The following CACNA1C variants were observed in gnomAD, a reference collection of about 807,000 sequenced individuals.
The protein encoded by CACNA1C is voltage-dependent L-type calcium channel subunit alpha-1C.
In CACNA1C, 30 loss-of-function variants were observed where a neutral mutation model predicts 229.0. The ratio of observed to expected loss-of-function variants is 0.13; its 90% confidence interval spans 0.10 to 0.18. CACNA1C has a LOEUF of 0.18. Ranked by LOEUF, CACNA1C falls within the 10% of genes least tolerant of loss-of-function variation. The pLI is 1.00. For missense variants in CACNA1C, 1,658 were observed against 2,845.0 expected (o/e 0.58, Z 9.49); for synonymous variants, 1,114 against 1,132.5 (o/e 0.98, Z 0.33).
intron 1 of CACNA1C, among the ~76,000 whole-genome samples, chr12:2,045,013 A>C (rs966676011): frequency 5.3e-5 from 8 of 152,350 alleles, no homozygotes; most frequent in Admixed American, 6.5e-5. Context: ...AGGGAGAAGA[A>C]CCAGGGGTCA....
Position 2,354,972 on chromosome 12 carries a change from C to A in CACNA1C, c.478-94004C>A, listed in dbSNP as rs942497590. Among the ~76,000 whole-genome samples the A allele has an allele frequency of 6.6e-6, 1 of 151,728 alleles. No individual in the cohort carries two copies. The highest frequency in any genetic ancestry group is 2.4e-5 in the African/African-American group (1 of 41,264). On this transcript the variant is annotated intron_variant, in intron 3 of 46. Transcript: ENST00000399655. The surrounding 1 kb of genome is among the most constrained non-coding windows in gnomAD (Gnocchi z 4.6). ...GAAATGAAGCCAAATCCTGGAGGTG[C>A]AGGTGTGAGGATGGGTCTGGGTGTG...
intron 3 of CACNA1C, among the ~76,000 whole-genome samples, chr12:2,293,835 C>A (rs574515117): frequency 6.6e-6 from 1 of 152,182 alleles, no homozygotes; most frequent in Admixed American, 6.5e-5. Context: ...ATATAGTAGA[C>A]AATAAGTGTT....
chr12:2,564,365 T>G (rs2049140813), intron 11 of CACNA1C, among the ~76,000 whole-genome samples: 1 of 152,180 alleles, frequency 6.6e-6, no homozygotes, highest in Admixed American at 6.5e-5. Flanking sequence ...CATGCTTATT[T>G]AGAGGAATGT....
At chr12:2,607,636 C>T (rs1047051232) in intron 26 of CACNA1C, among the ~76,000 whole-genome samples, 5 of 152,260 alleles carry the variant, frequency 3.3e-5, no homozygotes, top group Admixed American at 1.3e-4. Context: ...GCCCGGGCCC[C>T]ACTTCCTCTG....
chr12:2,641,797 T>A (rs1603250891), intron 30 of CACNA1C: 2 of 702,264 alleles, frequency 2.8e-6, no homozygotes, highest in South Asian at 3.0e-5. Flanking sequence ...GTGGGGAGAT[T>A]ACTTTTGTGA....
intron 3 of CACNA1C, among the ~76,000 whole-genome samples, chr12:2,306,684 C>A (rs944615541): frequency 1.3e-5 from 2 of 152,132 alleles, no homozygotes; most frequent in Non-Finnish European, 2.9e-5. Flanking sequence ...ATAAAATTTT[C>A]TTGTAAAAAG....
At chr12:2,246,846 T>A (rs1373376901) in intron 3 of CACNA1C, among the ~76,000 whole-genome samples, 1 of 152,156 alleles carries the variant, frequency 6.6e-6, no homozygotes, top group East Asian at 1.9e-4. Flanking sequence ...ATCCAAGAAC[T>A]GTAATCTCCT....
At chr12:2,406,752 C>T (rs752321635) in intron 3 of CACNA1C, among the ~76,000 whole-genome samples, 63 of 152,204 alleles carry the variant, frequency 4.1e-4, no homozygotes, top group Non-Finnish European at 5.3e-4. Context: ...ATTCTAACAT[C>T]TGGGTTATCT....
chr12:2,364,813 A>G (rs752866458), intron 3 of CACNA1C, among the ~76,000 whole-genome samples: 3 of 152,208 alleles, frequency 2.0e-5, no homozygotes, highest in Non-Finnish European at 4.4e-5. Context: ...TCAGCCACAG[A>G]CACCTCAGGA....
At chr12:2,182,933 G>A (rs183730388) in intron 3 of CACNA1C, among the ~76,000 whole-genome samples, 77 of 152,256 alleles carry the variant, frequency 5.1e-4, no homozygotes, top group African/African-American at 1.8e-3. Flanking sequence ...TTAGTCCACC[G>A]GATGCCAGGT....
intron 3 of CACNA1C, among the ~76,000 whole-genome samples, chr12:2,334,348 G>C (rs2154516548): frequency 6.6e-6 from 1 of 152,334 alleles, no homozygotes; most frequent in Non-Finnish European, 1.5e-5. Context: ...GGAAAAGGTT[G>C]CCATGGGTTG....
rs144684792 is a variant in CACNA1C, at chr12:2,014,772, G to C, written c.139+43571G>C. 4.5e-3 allele frequency among the ~76,000 whole-genome samples: 680 copies of C among 152,290 alleles called. 3 individuals carry two copies. The highest frequency in any genetic ancestry group is 0.016 in the African/African-American group (655 of 41,550). On this transcript the variant is annotated intron_variant, in intron 1 of 46. Coordinates refer to the CACNA1C transcript ENST00000682462. ...TGGTCTCAGTTATTCTTGGACATAA[G>C]ACTTTTCTGGTTGGCTTGAGCTTTA... is the stretch of plus-strand genomic sequence containing the variant.
At chr12:2,004,226 G>A (rs903129530) in intron 1 of CACNA1C, 5 of 1,595,294 alleles carry the variant, frequency 3.1e-6, no homozygotes, top group Non-Finnish European at 4.3e-6. Context: ...TGAGTCTGAC[G>A]CCCCCCGCCT....
At chr12:2,290,520 T>C (rs566828720) in intron 3 of CACNA1C, among the ~76,000 whole-genome samples, 1 of 152,198 alleles carries the variant, frequency 6.6e-6, no homozygotes, top group East Asian at 1.9e-4. Flanking sequence ...GAGAAAGAAA[T>C]GATCTGTGAC....
chr12:2,258,810 A>T (rs1221262186), intron 3 of CACNA1C, among the ~76,000 whole-genome samples: 1 of 152,260 alleles, frequency 6.6e-6, no homozygotes, highest in African/African-American at 2.4e-5. Flanking sequence ...AATATTTCTG[A>T]TCAAATTCTG....
chr12:2,157,888 A>G (rs2095633642), intron 3 of CACNA1C, among the ~76,000 whole-genome samples: 1 of 152,254 alleles, frequency 6.6e-6, no homozygotes, highest in South Asian at 2.1e-4. Context: ...TATATCCTTG[A>G]TACAGAAGCT....
intron 3 of CACNA1C, among the ~76,000 whole-genome samples, chr12:2,443,482 C>G (rs10848655): frequency 0.17 from 25,827 of 152,184 alleles, 2,470 homozygotes; most frequent in Non-Finnish European, 0.21. Context: ...TGCAGTTGTT[C>G]GTACCTCCTC....
Position 2,595,780 on chromosome 12 carries a change from G to A in CACNA1C, c.2664-94G>A, listed in dbSNP as rs2067868593. The A allele has an allele frequency of 9.8e-6, 12 of 1,222,350 alleles. No individual in the cohort carries two copies. In the South Asian group the frequency reaches 1.6e-4, roughly 16 times the overall value. The allele number at this position is 1,222,350 out of a possible 1,614,324, so 75.7% of individuals were successfully genotyped here. On this transcript the variant is annotated intron_variant, in intron 19 of 46. Transcript: ENST00000399655. The surrounding 1 kb of genome is among the most constrained non-coding windows in gnomAD (Gnocchi z 4.1). ...CAACAAGCACCTGTTGCCAGCTGCT[G>A]GGGAGAGCTGAGGAGAGGGGCTCCC...
At chr12:2,016,370 A>C (rs1350078786) in intron 1 of CACNA1C, among the ~76,000 whole-genome samples, 2 of 152,238 alleles carry the variant, frequency 1.3e-5, no homozygotes, top group Non-Finnish European at 2.9e-5. Context: ...CACTAAAACT[A>C]ACTATTGTAC....
Sources: gnomAD v4.1 joint callset for allele counts (sites outside exome capture counted in the v4.1 genomes callset) on GRCh38, gnomAD v4.1.1 for gene constraint, Gnocchi (gnomAD v3.1) non-coding constraint, MANE v1.5 for transcripts, NCBI Gene and HGNC (gene_info 2026-07-23, HGNC 2026-07-21) for gene names.